The following DOCK2 variants were observed in gnomAD, a reference collection of about 807,000 sequenced individuals.
DOCK2 encodes dedicator of cytokinesis protein 2.
DOCK2 carries 87 observed loss-of-function variants against 248.9 expected under a neutral mutation model. The observed-to-expected ratio is 0.35, with a 90% CI of 0.29 to 0.42. DOCK2 has a LOEUF of 0.42. Ranked by LOEUF, DOCK2 falls within the 10% of genes least tolerant of loss-of-function variation. DOCK2 has a pLI of 1.00. For synonymous variants in DOCK2, 805 were observed against 821.6 expected (o/e 0.98, Z 0.35); for missense variants, 1,747 against 2,300.2 (o/e 0.76, Z 4.92).
rs1184210779 is a variant in DOCK2 at position 170,083,262 on chromosome 5, G to A, written c.*404G>A. ...AAATATTCTTTTTAATTTTATTTTA[G>A]ATTAACAGTTTTGTACTTTACATTT... is the stretch of plus-strand genomic sequence containing the variant. On this transcript the variant is annotated 3_prime_UTR_variant, in exon 52 of 52. Transcript: ENST00000520908. 1.2e-5 allele frequency: 2 copies of A among 161,250 alleles called. No homozygotes were observed. Among genetic ancestry groups the A allele is most frequent in the African/African-American group, 4.8e-5 (2 of 41,700 alleles). The allele number at this position is 161,250 out of a possible 1,614,324, so 10.0% of individuals were successfully genotyped here.
intron 27 of DOCK2, among the ~76,000 whole-genome samples, chr5:169,926,622 T>A (rs570462485): frequency 2.3e-4 from 35 of 152,300 alleles, no homozygotes; most frequent in African/African-American, 7.7e-4. Flanking sequence ...AAGCAAAGAA[T>A]GCATTAGAAT....
intron 25 of DOCK2, among the ~76,000 whole-genome samples, chr5:169,771,845 T>G (rs1030585222): frequency 1.3e-5 from 2 of 152,256 alleles, no homozygotes; most frequent in Non-Finnish European, 2.9e-5. Context: ...TCATTATTTT[T>G]ACTAAGAATT....
intron 26 of DOCK2, among the ~76,000 whole-genome samples, chr5:169,809,366 C>T (rs1767599515): frequency 2.0e-5 from 3 of 152,176 alleles, no homozygotes; most frequent in Non-Finnish European, 4.4e-5. Flanking sequence ...GTGTCTCTTG[C>T]TTGGAATGCT....
chr5:169,828,627 A>G (rs951463263), intron 26 of DOCK2, among the ~76,000 whole-genome samples: 1 of 152,026 alleles, frequency 6.6e-6, no homozygotes, highest in Non-Finnish European at 1.5e-5. Context: ...CGTTGTATGT[A>G]TTTTTTGGTT....
chr5:170,008,209 ACAACAACAACAACAAC>A (rs1755129252), intron 30 of DOCK2, among the ~76,000 whole-genome samples: 3 of 65,588 alleles, frequency 4.6e-5, no homozygotes, highest in African/African-American at 3.1e-4. Context: ...AACAACAACA[ACAACAACAACAACAAC>A]AAAAAAAAAA....
intron 44 of DOCK2, among the ~76,000 whole-genome samples, chr5:170,059,421 C>T (rs1481421888): frequency 6.6e-6 from 1 of 152,160 alleles, no homozygotes; most frequent in Non-Finnish European, 1.5e-5. Flanking sequence ...AGCCCTGTCA[C>T]CTGGTGGTGC....
chr5:169,998,221 T>C (rs1237483244), intron 30 of DOCK2, among the ~76,000 whole-genome samples: 1 of 152,186 alleles, frequency 6.6e-6, no homozygotes, highest in Non-Finnish European at 1.5e-5. Context: ...TTTCCTCCCA[T>C]AGAACTTAAG....
intron 27 of DOCK2, chr5:169,882,629 G>T (rs925137080): frequency 3.9e-6 from 6 of 1,551,942 alleles, no homozygotes; most frequent in Non-Finnish European, 5.2e-6. Flanking sequence ...TGGTTCGAGT[G>T]CAGAGATTCC....
chr5:169,972,092 A>T (rs898020236), intron 27 of DOCK2, among the ~76,000 whole-genome samples: 38 of 152,186 alleles, frequency 2.5e-4, no homozygotes, highest in African/African-American at 9.2e-4. Flanking sequence ...AAATTAATCA[A>T]ATTATAAAAT....
At chr5:169,644,186 G>A (rs1157873205) in intron 1 of DOCK2, among the ~76,000 whole-genome samples, 1 of 152,106 alleles carries the variant, frequency 6.6e-6, no homozygotes, top group Non-Finnish European at 1.5e-5. Flanking sequence ...AATGGGGGAG[G>A]GGGACATTGC....
chr5:169,964,467 A>G (rs1016280520), intron 27 of DOCK2, among the ~76,000 whole-genome samples: 1 of 152,232 alleles, frequency 6.6e-6, no homozygotes, highest in Non-Finnish European at 1.5e-5. Context: ...AGACGCAGTG[A>G]ACTGTGTCAG....
intron 49 of DOCK2, chr5:170,079,561 T>A (rs993660829): frequency 1.1e-5 from 2 of 183,890 alleles, no homozygotes; most frequent in South Asian, 2.5e-4. Context: ...GCCCCTCCTG[T>A]GTGCCAGGAG....
chr5:169,944,592 A>T (rs1561842563), intron 27 of DOCK2, among the ~76,000 whole-genome samples: 1 of 152,198 alleles, frequency 6.6e-6, no homozygotes, highest in Non-Finnish European at 1.5e-5. Flanking sequence ...TTGGGAGAGC[A>T]TTTTAATACC....
intron 27 of DOCK2, among the ~76,000 whole-genome samples, chr5:169,850,818 A>G (rs75339315): frequency 0.032 from 4,875 of 152,338 alleles, 80 homozygotes; most frequent in Middle Eastern, 0.051. Context: ...GGTAGACTTC[A>G]CGGAACTGGA....
chr5:170,027,339 T>C (rs1247558366), intron 33 of DOCK2, among the ~76,000 whole-genome samples: 4 of 151,914 alleles, frequency 2.6e-5, no homozygotes, highest in Non-Finnish European at 5.9e-5. Context: ...CCAAGGACTG[T>C]GGTTAGGACT....
intron 22 of DOCK2, among the ~76,000 whole-genome samples, chr5:169,725,711 GTGTTCTCAT>G (rs1252508411): frequency 1.3e-5 from 2 of 150,516 alleles, no homozygotes; most frequent in Non-Finnish European, 2.9e-5. Flanking sequence ...ATGTGTCCAT[GTGTTCTCAT>G]TGTTCACCTC....
At chr5:170,037,047 A>ACT (rs1388822085) in intron 36 of DOCK2, among the ~76,000 whole-genome samples, 1 of 151,716 alleles carries the variant, frequency 6.6e-6, no homozygotes, top group Non-Finnish European at 1.5e-5. Flanking sequence ...GAAGCAAAGA[A>ACT]CTCCTTTGCC....
rs368448938 is a variant in DOCK2, at chr5:170,081,952, C to A, written c.5398C>A (p.Arg1800=). 6.2e-7 allele frequency: 1 copy of A among 1,614,072 alleles called. No homozygotes were observed. The highest frequency in any genetic ancestry group is 8.5e-7 in the Non-Finnish European group (1 of 1,180,006). The stretch of plus-strand genomic sequence containing the variant: ...AGATGGTGACAAGAAGACACTCACA[C>A]GGAAGAAGGTCAATCAGTTCTTCAA... ...LSDGDKKTLT[R]KKVNQFFKTM... is the part of the protein sequence containing the mutation. Residue 1800 remains arginine (R), a synonymous_variant, in exon 51 of 52, where the codon CGG becomes AGG. Coordinates refer to ENST00000520908, the MANE Select transcript of DOCK2 (RefSeq NM_004946.3).
chr5:169,906,782 T>C (rs892905874), intron 27 of DOCK2, among the ~76,000 whole-genome samples: 15 of 152,212 alleles, frequency 9.9e-5, no homozygotes, highest in Non-Finnish European at 8.8e-5. Context: ...TCAGAAAGAA[T>C]TGAAGGGTGG....
Sources: gnomAD v4.1 joint callset for allele counts (sites outside exome capture counted in the v4.1 genomes callset) on GRCh38, gnomAD v4.1.1 for gene constraint, MANE v1.5 for transcripts, NCBI Gene and HGNC (gene_info 2026-07-23, HGNC 2026-07-21) for gene names.